PAK1IP1: variants seen among roughly 807,000 people sequenced by gnomAD.
PAK1IP1 encodes the protein PAK1 interacting protein 1.
Under a neutral mutation model 42.0 loss-of-function variants are expected in PAK1IP1, and 24 were observed. The observed-to-expected ratio is 0.57, with a 90% CI of 0.41 to 0.80. PAK1IP1 has a LOEUF of 0.80. Among genes scored for constraint, PAK1IP1 ranks in the 30% least tolerant of loss-of-function variants. The probability of loss-of-function intolerance (pLI) is 0.00; values close to 1 mark genes in which losing one functional copy is unlikely to be tolerated. For missense variants in PAK1IP1, 411 were observed against 467.9 expected, an observed-to-expected ratio of 0.88 and a Z score of 1.12; for synonymous variants, 154 against 156.7, an observed-to-expected ratio of 0.98 and a Z score of 0.13.
At chr6:10,694,899 A>C, upstream of PAK1IP1, 1 of 820,956 alleles carries the variant, frequency 1.2e-6, no homozygotes, top group Admixed American at 2.3e-5. Flanking sequence ...GAAAGGAGTC[A>C]GGTGTTTTTT....
chr6:10,709,037 A>G lies in PAK1IP1; in HGVS notation c.925A>G (p.Met309Val), dbSNP rs764331618. 4.3e-6 allele frequency: 7 copies of G among 1,613,728 alleles called. No homozygotes were observed. In the Admixed American group the frequency reaches 8.3e-5, roughly 19 times the overall value. The change falls in exon 9 of 10, where the codon ATG becomes GTG. Residue 309 changes from methionine (M) to valine (V), a missense_variant. Coordinates refer to ENST00000379568, the MANE Select transcript of PAK1IP1 (RefSeq NM_017906.3). ...LGVWLDKVAD[M>V]KESLPPAAEP... is the part of the protein sequence containing the mutation. ...AGTGTGGCTAGACAAAGTGGCAGAC[A>G]TGAAAGAAAGCCTTCCTCCAGCTGC...
upstream of PAK1IP1, chr6:10,694,867 G>A: frequency 1.4e-6 from 1 of 699,412 alleles, no homozygotes; most frequent in Non-Finnish European, 2.4e-6. Flanking sequence ...GGAGCCTGAC[G>A]TATAATTCGA....
intron 7 of PAK1IP1, among the ~76,000 whole-genome samples, chr6:10,706,236 A>G (rs1166081892): frequency 6.6e-6 from 1 of 152,080 alleles, no homozygotes; most frequent in Non-Finnish European, 1.5e-5. Context: ...GTTAGTTTTA[A>G]AAAGAGAGAG....
Position 10,709,603 on chromosome 6 carries a change from TAAAAA to T in PAK1IP1, c.*163_*167del, listed in dbSNP as rs34602235. The T allele has an allele frequency of 1.1e-4, 30 of 284,172 alleles. No homozygotes were observed. Among genetic ancestry groups the T allele is most frequent in the Middle Eastern group, 9.9e-4 (1 of 1,008 alleles). 17.6% of individuals were successfully genotyped at this position (284,172 alleles called of 1,614,324 possible). ...AAAACCACTTTTAGATGGTTTTTTTTAAAAAAAAAAAAAAAACTGGTAAAATTACT... is the reference window on the plus strand; with the variant it reads ...AAAACCACTTTTAGATGGTTTTTTTTAAAAAAAAAAACTGGTAAAATTACT... On this transcript the variant is annotated 3_prime_UTR_variant, in exon 10 of 10. Transcript: ENST00000379568.
intron 7 of PAK1IP1, among the ~76,000 whole-genome samples, chr6:10,705,211 G>C (rs1026481063): frequency 6.6e-6 from 1 of 152,044 alleles, no homozygotes; most frequent in Admixed American, 6.6e-5. Context: ...CCAGTTACTC[G>C]AGAGGGTGAG....
intron 8 of PAK1IP1, among the ~76,000 whole-genome samples, chr6:10,708,752 A>G (rs1456822634): frequency 1.3e-5 from 2 of 151,836 alleles, no homozygotes; most frequent in African/African-American, 2.4e-5. Context: ...TCATTGTTCA[A>G]TTCCCACCTA....
At chr6:10,693,079 T>G (rs1465744905), upstream of PAK1IP1, among the ~76,000 whole-genome samples, 1 of 152,214 alleles carries the variant, frequency 6.6e-6, no homozygotes, top group African/African-American at 2.4e-5. Context: ...ATAACTCTGT[T>G]AAGCCCTATT....
chr6:10,697,892 A>G lies in PAK1IP1; in HGVS notation c.247+406A>G, dbSNP rs538411436. Among the ~76,000 whole-genome samples, 20 of 137,766 alleles carry G rather than the reference A, an allele frequency of 1.5e-4. No homozygotes were observed. In the South Asian group the frequency reaches 4.1e-3, roughly 29 times the overall value. The allele number at this position is 137,766 out of a possible 152,430, so 90.4% of individuals were successfully genotyped here. ...GGCAACAGAGTGAGACTCTGTCTCA[A>G]AAAAAAAAAAAAAAGGTTTCTTGCT... On this transcript the variant is annotated intron_variant, in intron 2 of 9. Transcript: ENST00000379568.
At chr6:10,700,868 G>A (rs1019295416) in intron 2 of PAK1IP1, among the ~76,000 whole-genome samples, 1 of 151,738 alleles carries the variant, frequency 6.6e-6, no homozygotes, top group African/African-American at 2.4e-5. Flanking sequence ...TGCAGGATGT[G>A]CAGGTTTGTT....
chr6:10,706,012 G>T (rs1475144738), intron 7 of PAK1IP1, among the ~76,000 whole-genome samples: 1 of 152,134 alleles, frequency 6.6e-6, no homozygotes, highest in East Asian at 1.9e-4. Flanking sequence ...GCATCATTAT[G>T]AAATACTACA....
intron 2 of PAK1IP1, among the ~76,000 whole-genome samples, chr6:10,698,678 T>A (rs1162599299): frequency 6.6e-6 from 1 of 152,144 alleles, no homozygotes; most frequent in Non-Finnish European, 1.5e-5. Flanking sequence ...GGAGGGGTGC[T>A]GACTGAGAAC....
At position 10,708,956 on chromosome 6, in the gene PAK1IP1, G is replaced by A. The variant is rs1446641274; in HGVS notation, c.844G>A (p.Val282Ile). 2.1e-5 allele frequency: 34 copies of A among 1,604,662 alleles called. No individual in the cohort carries two copies. Among genetic ancestry groups the A allele is most frequent in the Non-Finnish European group, 2.9e-5 (34 of 1,175,306 alleles). ...AATGTTTGTTTCTTCTGTTTAGAAA[G>A]TTCCCCCATCTTTACTCTGTGAAAT... ...KMWKLKQDKK[V>I]PPSLLCEINT... is the part of the protein sequence containing the mutation. The change falls in exon 9 of 10, where the codon GTT (valine) becomes ATT (isoleucine). Residue 282 changes from valine to isoleucine, a missense_variant. Coordinates refer to ENST00000379568, the MANE Select transcript of PAK1IP1 (RefSeq NM_017906.3).
upstream of PAK1IP1, among the ~76,000 whole-genome samples, chr6:10,692,708 C>A (rs1010645577): frequency 6.6e-6 from 1 of 152,084 alleles, no homozygotes; most frequent in African/African-American, 2.4e-5. Flanking sequence ...ATGCGTGAGC[C>A]ACTGCGTCTG....
chr6:10,694,955 G>A (rs182635087), upstream of PAK1IP1: 2,028 of 1,460,118 alleles, frequency 1.4e-3, 6 homozygotes, highest in Middle Eastern at 4.3e-3. Flanking sequence ...AGGCTGAGCC[G>A]GGCTGGCGGA....
chr6:10,691,573 G>A (rs1769313228), upstream of PAK1IP1, among the ~76,000 whole-genome samples: 1 of 152,008 alleles, frequency 6.6e-6, no homozygotes, highest in Admixed American at 6.6e-5. Flanking sequence ...GTCTGCTTGT[G>A]GATTTCATTT....
intron 8 of PAK1IP1, 94 bp downstream of exon 8, chr6:10,707,608 T>C (rs2127481946): frequency 1.4e-6 from 1 of 716,140 alleles, no homozygotes; most frequent in Non-Finnish European, 2.5e-6. Context: ...CATAGGTCTT[T>C]AAACTTTTTA....
intron 1 of PAK1IP1, among the ~76,000 whole-genome samples, chr6:10,696,198 CT>C (rs1378641964): frequency 1.3e-5 from 2 of 152,098 alleles, no homozygotes; most frequent in African/African-American, 4.8e-5. Context: ...AACCATTACC[CT>C]ATACTTCTAC....
At chr6:10,707,018 G>T (rs979842259) in intron 7 of PAK1IP1, among the ~76,000 whole-genome samples, 1 of 152,208 alleles carries the variant, frequency 6.6e-6, no homozygotes, top group Non-Finnish European at 1.5e-5. Context: ...ACAGTGGTGG[G>T]ACTGGAGATG....
At chr6:10,706,266 G>GA (rs1166727626) in intron 7 of PAK1IP1, among the ~76,000 whole-genome samples, 1 of 152,096 alleles carries the variant, frequency 6.6e-6, no homozygotes, top group Non-Finnish European at 1.5e-5. Flanking sequence ...CAAAGACCCT[G>GA]AGGGAGAACA....
Sources: gnomAD v4.1 joint callset for allele counts (sites outside exome capture counted in the v4.1 genomes callset) on GRCh38, gnomAD v4.1.1 for gene constraint, MANE v1.5 for transcripts, NCBI Gene and HGNC (gene_info 2026-07-23, HGNC 2026-07-21) for gene names.